The following ZNF185 variants were observed in gnomAD, a reference collection of about 807,000 sequenced individuals.
The protein encoded by ZNF185 is zinc finger protein 185.
In ZNF185, 56 loss-of-function variants were observed where a neutral mutation model predicts 58.6. The observed-to-expected ratio is 0.95, with a 90% confidence interval of 0.77 to 1.19. The LOEUF (loss-of-function observed/expected upper bound fraction) is 1.19, where lower values mean the gene tolerates loss of function less well. ZNF185 is among the 50% of genes most tolerant of loss of function. The pLI is 0.00. For synonymous variants in ZNF185, 230 were observed against 215.9 expected, an observed-to-expected ratio of 1.07 and a Z score of -0.57; for missense variants, 627 against 573.5, an observed-to-expected ratio of 1.09 and a Z score of -0.95.
At chrX:152,898,679 C>T in the ZNF185 span, among the ~76,000 whole-genome samples, 9 of 112,595 alleles carry the variant, frequency 8.0e-5, no homozygotes, top group South Asian at 3.7e-4. Context: ...TCCCCTCAAT[C>T]GCCCTGGGGC....
At chrX:152,932,627 C>G (rs1327466104) in intron 13 of ZNF185, among the ~76,000 whole-genome samples, 1 of 112,027 alleles carries the variant, frequency 8.9e-6, no homozygotes, top group Non-Finnish European at 1.9e-5. Flanking sequence ...CAGCTCCCCC[C>G]ACCACCAACG....
At chrX:152,933,276 C>G (rs924662487) in intron 14 of ZNF185, among the ~76,000 whole-genome samples, 1 of 112,825 alleles carries the variant, frequency 8.9e-6, no homozygotes, top group African/African-American at 3.2e-5. Flanking sequence ...GTCAAATGAA[C>G]GTGTAGGGAA....
At chrX:152,923,859 G>C (rs1182935742) in intron 11 of ZNF185, among the ~76,000 whole-genome samples, 5 of 111,815 alleles carry the variant, frequency 4.5e-5, no homozygotes, top group African/African-American at 1.6e-4. Context: ...CCTCAGGCTG[G>C]GGTTGGGGAC....
At chrX:152,940,021 C>T (rs1209355376) in intron 15 of ZNF185, among the ~76,000 whole-genome samples, 1 of 110,932 alleles carries the variant, frequency 9.0e-6, no homozygotes, top group African/African-American at 3.3e-5. Flanking sequence ...GACATCAAGC[C>T]ATCCACCCAT....
Position 152,945,467 on chromosome X carries a change from A to G in ZNF185, c.1409+3A>G. 1.7e-6 allele frequency: 2 copies of G among 1,194,869 alleles called. No individual in the cohort carries two copies. Among genetic ancestry groups the G allele is most frequent in the Admixed American group, 2.3e-5 (1 of 43,722 alleles). ...AGACGAGAGAGTTGTGGCAGCAGGT[A>G]AGGGCTGAGCTGCAGTGGGCTCTGC... On this transcript the variant is annotated splice_donor_region_variant and intron_variant, in intron 16 of 22. Transcript: ENST00000449285.
the ZNF185 span, among the ~76,000 whole-genome samples, chrX:152,900,246 T>C: frequency 8.9e-6 from 1 of 112,488 alleles, no homozygotes; most frequent in Non-Finnish European, 1.9e-5. Context: ...CATCGGCACT[T>C]GTTCCCTGAA....
intron 16 of ZNF185, among the ~76,000 whole-genome samples, chrX:152,959,153 C>G (rs57088177): frequency 9.8e-5 from 11 of 112,497 alleles, no homozygotes; most frequent in Non-Finnish European, 1.7e-4. Context: ...GCCCTTCCCC[C>G]CTTTGTGGGG....
intron 16 of ZNF185, among the ~76,000 whole-genome samples, chrX:152,959,262 C>T (rs1036574714): frequency 2.7e-5 from 3 of 111,745 alleles, no homozygotes; most frequent in East Asian, 5.7e-4. Context: ...GAAGCTCCTC[C>T]CTAGACTGCC....
intron 17 of ZNF185, 107 bp downstream of exon 19, chrX:152,960,003 T>G: frequency 1.3e-6 from 1 of 785,250 alleles, no homozygotes; most frequent in Non-Finnish European, 1.8e-6. Flanking sequence ...GTTTATCCTC[T>G]GCAGGTGAGT....
At chrX:152,956,876 T>C (rs949843999) in intron 16 of ZNF185, among the ~76,000 whole-genome samples, 1 of 112,608 alleles carries the variant, frequency 8.9e-6, no homozygotes, top group Non-Finnish European at 1.9e-5. Flanking sequence ...TAGACAAATG[T>C]ATTCAATCTT....
chrX:152,923,737 C>T (rs782474277), intron 11 of ZNF185, among the ~76,000 whole-genome samples: 5 of 111,858 alleles, frequency 4.5e-5, no homozygotes, highest in Non-Finnish European at 9.4e-5. Flanking sequence ...ACGGTTCGCG[C>T]TCTCATGAGA....
At chrX:152,903,497 T>C in the ZNF185 span, among the ~76,000 whole-genome samples, 10 of 108,739 alleles carry the variant, frequency 9.2e-5, no homozygotes, top group East Asian at 2.9e-3. Flanking sequence ...CCATGACCTC[T>C]GAGCCTCCTC....
At chrX:152,936,397 A>G (rs782408689) in intron 14 of ZNF185, 21 bp from the exon 16 acceptor site, 12 of 1,155,558 alleles carry the variant, frequency 1.0e-5, no homozygotes, top group Admixed American at 2.6e-5. Flanking sequence ...AACCTGGACC[A>G]GGTCTGGCCT....
chrX:152,928,255 C>T (rs1376145664), intron 11 of ZNF185, among the ~76,000 whole-genome samples: 1 of 112,421 alleles, frequency 8.9e-6, no homozygotes, highest in Non-Finnish European at 1.9e-5. Flanking sequence ...CTTTGGATAC[C>T]CTGGTGGGGT....
At chrX:152,909,897 A>C (rs1936896327), upstream of ZNF185, among the ~76,000 whole-genome samples, 1 of 103,684 alleles carries the variant, frequency 9.6e-6, no homozygotes, top group African/African-American at 3.6e-5. Flanking sequence ...CTTGCCTGGC[A>C]TCAACTCTTT....
At chrX:152,938,134 C>G (rs1055655489) in exon 15 of ZNF185, 7 of 1,185,461 alleles carry the variant, frequency 5.9e-6, no homozygotes, top group Non-Finnish European at 7.9e-6. Context: ...GCACAGCAGC[C>G]CAGGAGGATG....
intron 15 of ZNF185, among the ~76,000 whole-genome samples, chrX:152,938,944 G>A (rs781867288): frequency 9.4e-6 from 1 of 106,006 alleles, no homozygotes; most frequent in Admixed American, 9.8e-5. Context: ...AGAACACGGT[G>A]GAGAGAGCTA....
At chrX:152,900,921 C>T in the ZNF185 span, among the ~76,000 whole-genome samples, 1 of 112,465 alleles carries the variant, frequency 8.9e-6, no homozygotes, top group African/African-American at 3.2e-5. Context: ...GTGGCTAAAG[C>T]CAGGAGCACC....
chrX:152,911,286 C>G, upstream of ZNF185, among the ~76,000 whole-genome samples: 3 of 112,065 alleles, frequency 2.7e-5, no homozygotes, highest in Middle Eastern at 0.014. Flanking sequence ...GCAGGGCTAC[C>G]TTCCAGGGAC....
Sources: allele counts gnomAD v4.1 joint callset (sites outside exome capture counted in the v4.1 genomes callset), GRCh38; gene constraint gnomAD v4.1.1; transcripts MANE v1.5; gene names NCBI Gene and HGNC (gene_info 2026-07-23, HGNC 2026-07-21).